Variants in CORO2A observed in about 807,000 individuals in gnomAD.
CORO2A encodes coronin 2A.
A neutral mutation model predicts 62.4 loss-of-function variants in CORO2A; 47 were observed. The ratio of observed to expected loss-of-function variants is 0.75; its 90% CI spans 0.60 to 0.96. The LOEUF is 0.96. CORO2A is among the 40% of genes least tolerant of loss of function. The pLI, the probability that CORO2A is intolerant of heterozygous loss-of-function variation, is 0.00. For missense variants in CORO2A, 610 were observed against 684.1 expected (o/e 0.89, Z 1.21); for synonymous variants, 273 against 268.9 (o/e 1.02, Z -0.15).
chr9:98,137,947 T>C (rs567404198), intron 2 of CORO2A, among the ~76,000 whole-genome samples: 2 of 152,272 alleles, frequency 1.3e-5, no homozygotes, highest in African/African-American at 2.4e-5. Flanking sequence ...AGAGGAGGTA[T>C]GGCACAGTGC....
intron 2 of CORO2A, among the ~76,000 whole-genome samples, chr9:98,147,265 G>A (rs1827654778): frequency 6.6e-6 from 1 of 152,018 alleles, no homozygotes; most frequent in Non-Finnish European, 1.5e-5. Context: ...TATTATTAAT[G>A]TGATCCTGGC....
At chr9:98,176,026 T>C (rs1256691062) in intron 1 of CORO2A, among the ~76,000 whole-genome samples, 1 of 152,200 alleles carries the variant, frequency 6.6e-6, no homozygotes, top group Non-Finnish European at 1.5e-5. Flanking sequence ...TAAAAATGAA[T>C]ATGGGCTTTG....
chr9:98,183,311 G>C (rs997279885), intron 1 of CORO2A, among the ~76,000 whole-genome samples: 1 of 152,218 alleles, frequency 6.6e-6, no homozygotes, highest in East Asian at 1.9e-4. Context: ...CCCAAGAAAA[G>C]AGTCCTAGTT....
chr9:98,169,622 T>C (rs1431182831), intron 1 of CORO2A, among the ~76,000 whole-genome samples: 1 of 152,196 alleles, frequency 6.6e-6, no homozygotes, highest in Non-Finnish European at 1.5e-5. Flanking sequence ...ACGTTCCCCC[T>C]GAGTCTTTGA....
intron 2 of CORO2A, among the ~76,000 whole-genome samples, chr9:98,155,962 T>G (rs1827797437): frequency 6.6e-6 from 1 of 152,060 alleles, no homozygotes. Context: ...CTCTAATGTA[T>G]CCTTATATTC....
intron 2 of CORO2A, among the ~76,000 whole-genome samples, chr9:98,146,222 C>A (rs1384692350): frequency 6.6e-6 from 1 of 152,222 alleles, no homozygotes; most frequent in African/African-American, 2.4e-5. Flanking sequence ...ACCTTCTTCA[C>A]CCCCTCCCTG....
At chr9:98,151,904 C>T (rs1319935844) in intron 2 of CORO2A, among the ~76,000 whole-genome samples, 1 of 149,646 alleles carries the variant, frequency 6.7e-6, no homozygotes, top group African/African-American at 2.5e-5. Flanking sequence ...GCAAGCTCTG[C>T]CTCCCGGGTT....
intron 8 of CORO2A, among the ~76,000 whole-genome samples, chr9:98,129,040 C>T (rs1003676945): frequency 5.9e-5 from 9 of 152,186 alleles, no homozygotes; most frequent in Admixed American, 2.0e-4. Context: ...TCAAGCGATC[C>T]TCCTGCCTTA....
chr9:98,180,295 T>C (rs566680087), intron 1 of CORO2A, among the ~76,000 whole-genome samples: 5 of 152,134 alleles, frequency 3.3e-5, no homozygotes, highest in Admixed American at 1.3e-4. Context: ...TTGCCAGTAA[T>C]GCCCTATCCA....
intron 1 of CORO2A, among the ~76,000 whole-genome samples, chr9:98,189,882 C>T (rs1408781100): frequency 2.2e-5 from 2 of 91,648 alleles, no homozygotes; most frequent in Non-Finnish European, 4.1e-5. Context: ...GACGGCAACT[C>T]CTTTATTTTT....
intron 1 of CORO2A, among the ~76,000 whole-genome samples, chr9:98,174,281 G>C (rs751449606): frequency 2.6e-5 from 4 of 152,288 alleles, no homozygotes; most frequent in Non-Finnish European, 5.9e-5. Flanking sequence ...GTAAGCTGGG[G>C]TCCATGATAG....
intron 2 of CORO2A, among the ~76,000 whole-genome samples, chr9:98,153,020 A>G (rs1827747864): frequency 1.3e-5 from 2 of 152,242 alleles, no homozygotes; most frequent in South Asian, 2.1e-4. Context: ...ATGTGGTTAT[A>G]TAAGAGAATA....
intron 1 of CORO2A, among the ~76,000 whole-genome samples, chr9:98,157,905 G>T (rs1230499380): frequency 6.6e-6 from 1 of 152,134 alleles, no homozygotes; most frequent in Non-Finnish European, 1.5e-5. Flanking sequence ...ATGTGTTAAG[G>T]CTTTTCATCC....
At chr9:98,184,398 T>C (rs1828212404) in intron 1 of CORO2A, among the ~76,000 whole-genome samples, 1 of 152,168 alleles carries the variant, frequency 6.6e-6, no homozygotes, top group South Asian at 2.1e-4. Flanking sequence ...CTAGTGATAA[T>C]TAGCTTGATG....
intron 1 of CORO2A, among the ~76,000 whole-genome samples, chr9:98,163,852 G>C (rs944042264): frequency 6.6e-6 from 1 of 151,952 alleles, no homozygotes; most frequent in South Asian, 2.1e-4. Flanking sequence ...GCAGGACAAG[G>C]GTTAGCTGCA....
In CORO2A at chr9:98,124,626, TG is replaced by T; in HGVS notation, c.*147del. 1.3e-6 allele frequency: 1 copy of T among 791,766 alleles called. No individual in the cohort carries two copies. The highest frequency in any genetic ancestry group is 1.8e-6 in the Non-Finnish European group (1 of 552,826). 49.0% of individuals were successfully genotyped at this position (791,766 alleles called of 1,614,324 possible). A position where few individuals can be genotyped will look rare whatever the true frequency, so the allele number is the denominator to read the frequency against. ...ACAGAAAAACGGCACCATGTCCCAC[TG>T]GAATCTCTTTCAGCGATGGAGAGTT... On this transcript the variant is annotated 3_prime_UTR_variant, in exon 12 of 12. Coordinates refer to ENST00000375077, the MANE Select transcript of CORO2A (RefSeq NM_052820.4).
At position 98,128,198 on chromosome 9, in the gene CORO2A, G is replaced by A. The variant is rs748781900; in HGVS notation, c.1143C>T (p.Ala381=). The A allele has an allele frequency of 1.2e-5, 20 of 1,613,672 alleles. No individual in the cohort carries two copies. The highest frequency in any genetic ancestry group is 1.6e-4 in the Middle Eastern group (1 of 6,062). Residue 381 remains alanine, a synonymous_variant, in exon 10 of 12, where the codon GCC becomes GCT. Coordinates refer to ENST00000375077, the MANE Select transcript of CORO2A (RefSeq NM_052820.4). ...GATTCATCCCGCTGAGCCACTCCTG[G>A]GCCGTCAGGGAGGGCTGGGCCCCTG... ...PTAGAQPSLT[A]QEWLSGMNRD...
At position 98,134,838 on chromosome 9, in the gene CORO2A, T is replaced by C. The variant is rs750179873; in HGVS notation, c.436A>G (p.Asn146Asp). 45 of 1,613,884 alleles carry C rather than the reference T, an allele frequency of 2.8e-5. No homozygotes were observed. The highest frequency in any genetic ancestry group is 3.8e-5 in the Non-Finnish European group (45 of 1,179,902). ...GLVEWHPTAA[N>D]ILFSAGYDYK... ...TCATAGCCAGCACTGAAGAGGATGT[T>C]GGCGGCCGTGGGGTGCCACTCCACC... Residue 146 changes from asparagine (N) to aspartate (D), a missense_variant, in exon 4 of 12, where the codon AAC becomes GAC. Asn to Asp is a conservative substitution (Grantham distance 23, BLOSUM62 1). Transcript: ENST00000375077.
intron 1 of CORO2A, among the ~76,000 whole-genome samples, chr9:98,178,286 A>G (rs1828134874): frequency 6.6e-6 from 1 of 152,136 alleles, no homozygotes; most frequent in Non-Finnish European, 1.5e-5. Context: ...GCCTCAAGTG[A>G]TCCTCTCGCC....
Sources: allele counts gnomAD v4.1 joint callset (sites outside exome capture counted in the v4.1 genomes callset), GRCh38; gene constraint gnomAD v4.1.1; transcripts MANE v1.5; gene names NCBI Gene and HGNC (gene_info 2026-07-23, HGNC 2026-07-21).